TIAM1: variants seen among roughly 807,000 people sequenced by gnomAD.
TIAM1 encodes the protein rho guanine nucleotide exchange factor TIAM1.
In TIAM1, 65 loss-of-function variants were observed where a neutral mutation model predicts 163.5. The observed-to-expected ratio is 0.40, with a 90% CI of 0.33 to 0.49. The LOEUF (loss-of-function observed/expected upper bound fraction) is 0.49. Ranked by LOEUF, TIAM1 falls within the 20% of genes least tolerant of loss-of-function variation. TIAM1 has a pLI of 0.77. For synonymous variants in TIAM1, 833 were observed against 810.1 expected, an observed-to-expected ratio of 1.03 and a Z score of -0.48; for missense variants, 1,789 against 2,044.7, an observed-to-expected ratio of 0.87 and a Z score of 2.41.
intron 19 of TIAM1, among the ~76,000 whole-genome samples, chr21:31,149,973 T>C (rs1310061726): frequency 6.6e-6 from 1 of 152,204 alleles, no homozygotes; most frequent in East Asian, 1.9e-4. Flanking sequence ...GAAAATATTT[T>C]ATATGTACAC....
chr21:31,340,699 C>T (rs1602041632), intron 1 of TIAM1, among the ~76,000 whole-genome samples: 1 of 152,146 alleles, frequency 6.6e-6, no homozygotes, highest in East Asian at 1.9e-4. Context: ...AAATTTAACA[C>T]ACTTTGCCTT....
At chr21:31,541,017 G>C (rs1268520781) in intron 1 of TIAM1, among the ~76,000 whole-genome samples, 1 of 152,162 alleles carries the variant, frequency 6.6e-6, no homozygotes, top group Admixed American at 6.6e-5. Flanking sequence ...GACCAATCAA[G>C]CTTCTGGAAG....
At chr21:31,437,492 G>A (rs142857185) in intron 2 of TIAM1, among the ~76,000 whole-genome samples, 1 of 99,470 alleles carries the variant, frequency 1.0e-5, no homozygotes, top group East Asian at 2.8e-4. Flanking sequence ...GACAGAGAGA[G>A]ACCCTGTCTC....
intron 2 of TIAM1, among the ~76,000 whole-genome samples, chr21:31,399,064 CAGAAACTAAAA>C (rs2077121496): frequency 6.6e-6 from 1 of 151,986 alleles, no homozygotes; most frequent in African/African-American, 2.4e-5. Flanking sequence ...TAGCCTTTGC[CAGAAACTAAAA>C]AGAAACAGCA....
intron 15 of TIAM1, among the ~76,000 whole-genome samples, chr21:31,176,751 C>T (rs1254685701): frequency 6.6e-6 from 1 of 152,056 alleles, no homozygotes; most frequent in African/African-American, 2.4e-5. Flanking sequence ...TCTTATGATT[C>T]CACCAAGACA....
chr21:31,324,171 T>A (rs950455118), intron 2 of TIAM1, among the ~76,000 whole-genome samples: 11 of 152,136 alleles, frequency 7.2e-5, no homozygotes, highest in Admixed American at 5.9e-4. Flanking sequence ...AATGACTGCG[T>A]GCGTGGAAAA....
intron 22 of TIAM1, among the ~76,000 whole-genome samples, chr21:31,138,196 T>C (rs531666424): frequency 1.3e-5 from 2 of 152,270 alleles, no homozygotes; most frequent in African/African-American, 4.8e-5. Flanking sequence ...CCTCTTGCAT[T>C]CTTCTTCCTC....
chr21:31,195,272 T>C lies in TIAM1; in HGVS notation c.2527A>G (p.Thr843Ala). 4 of 1,613,632 alleles carry C rather than the reference T, an allele frequency of 2.5e-6. No individual in the cohort carries two copies. Among genetic ancestry groups the C allele is most frequent in the Non-Finnish European group, 3.4e-6 (4 of 1,179,694 alleles). ...GACTTCTCAATGTGGATGCTCTGAG[T>C]GACTTTTGGACAGATTTCAATTTCT... ...YKEIEICPKVTQSIHIEKSDT... is the reference protein window; with the variant it reads ...YKEIEICPKVAQSIHIEKSDT... Residue 843 changes from threonine (T) to alanine (A), a missense_variant, in exon 13 of 28, where the codon ACT becomes GCT. By Grantham distance (58) the Thr-to-Ala change is moderately conservative. Coordinates refer to ENST00000541036, the MANE Select transcript of TIAM1 (RefSeq NM_001353694.2).
chr21:31,548,298 C>T (rs1391137895), intron 1 of TIAM1, among the ~76,000 whole-genome samples: 2 of 151,910 alleles, frequency 1.3e-5, no homozygotes, highest in Non-Finnish European at 2.9e-5. Context: ...TGTGCCACCA[C>T]ACCCAGCCAA....
Position 31,327,307 on chromosome 21 carries a change from T to C in TIAM1, c.-189+11936A>G, listed in dbSNP as rs1220840761. Among the ~76,000 whole-genome samples the C allele has an allele frequency of 7.9e-5, 12 of 152,196 alleles. No individual in the cohort carries two copies. In the East Asian group the frequency reaches 2.3e-3, roughly 29 times the overall value. On this transcript the variant is annotated intron_variant, in intron 2 of 27. Transcript: ENST00000541036. ...CTAGAATTCATCAGCTAAGTACCCT[T>C]ATAGGATAAAAAGTCCCTTTCTTCA...
At chr21:31,446,832 G>A (rs752017007) in intron 2 of TIAM1, among the ~76,000 whole-genome samples, 3 of 152,202 alleles carry the variant, frequency 2.0e-5, no homozygotes, top group Non-Finnish European at 4.4e-5. Flanking sequence ...CAGAAAAGTT[G>A]CAAATCTTGC....
At chr21:31,529,798 A>G (rs549570028) in intron 1 of TIAM1, among the ~76,000 whole-genome samples, 2 of 152,196 alleles carry the variant, frequency 1.3e-5, no homozygotes, top group South Asian at 4.2e-4. Flanking sequence ...GAGAAAATTC[A>G]CCTCATGCCC....
intron 2 of TIAM1, among the ~76,000 whole-genome samples, chr21:31,338,663 T>A (rs1245463300): frequency 6.6e-6 from 1 of 152,160 alleles, no homozygotes; most frequent in African/African-American, 2.4e-5. Context: ...CTTTGCAGCA[T>A]ATTTCTTCTC....
chr21:31,315,305 G>C (rs2075072925), intron 2 of TIAM1, among the ~76,000 whole-genome samples: 1 of 152,064 alleles, frequency 6.6e-6, no homozygotes, highest in Admixed American at 6.6e-5. Context: ...ACGAGGTCAG[G>C]AGATCGAGAC....
At chr21:31,400,252 GAGTAGCTGGGACT>G (rs1395845431) in intron 2 of TIAM1, among the ~76,000 whole-genome samples, 1 of 151,570 alleles carries the variant, frequency 6.6e-6, no homozygotes, top group Non-Finnish European at 1.5e-5. Flanking sequence ...CTCAGCTCCC[GAGTAGCTGGGACT>G]ACAGGCACCC....
intron 8 of TIAM1, among the ~76,000 whole-genome samples, chr21:31,219,647 G>A (rs1251242766): frequency 6.6e-6 from 1 of 152,194 alleles, no homozygotes; most frequent in Non-Finnish European, 1.5e-5. Flanking sequence ...GGGTATTAGA[G>A]GGAAGGTTTT....
intron 10 of TIAM1, 33 bp downstream of exon 10, chr21:31,213,365 C>A: frequency 6.3e-7 from 1 of 1,586,842 alleles, no homozygotes; most frequent in Non-Finnish European, 8.6e-7. Context: ...ACTTGTGGTA[C>A]TTTTAGAAAA....
chr21:31,312,990 C>A (rs986965484), intron 2 of TIAM1, among the ~76,000 whole-genome samples: 5 of 152,184 alleles, frequency 3.3e-5, no homozygotes, highest in Non-Finnish European at 7.3e-5. Flanking sequence ...CTTCTCCAGC[C>A]CACATCACAC....
chr21:31,294,402 T>C (rs1289477195), intron 2 of TIAM1, among the ~76,000 whole-genome samples: 4 of 152,220 alleles, frequency 2.6e-5, no homozygotes, highest in Admixed American at 6.5e-5. Flanking sequence ...AGGAGTCCTT[T>C]CTAACTCTGC....
Sources: allele counts gnomAD v4.1 joint callset (sites outside exome capture counted in the v4.1 genomes callset), GRCh38; gene constraint gnomAD v4.1.1; transcripts MANE v1.5; gene names NCBI Gene and HGNC (gene_info 2026-07-23, HGNC 2026-07-21).